Variants in GPR155 observed in about 807,000 individuals in gnomAD.
The protein encoded by GPR155 is G protein-coupled receptor 155.
A neutral mutation model predicts 93.1 loss-of-function variants in GPR155; 65 were observed. The observed-to-expected ratio is 0.70, with a 90% CI of 0.57 to 0.86. The LOEUF (loss-of-function observed/expected upper bound fraction) is 0.86, where lower values mean the gene tolerates loss of function less well. Among genes scored for constraint, GPR155 ranks in the 40% least tolerant of loss-of-function variants. The pLI, the probability that GPR155 is intolerant of heterozygous loss-of-function variation, is 0.00. For missense variants in GPR155, 838 were observed against 1,034.8 expected (o/e 0.81, Z 2.61); for synonymous variants, 319 against 360.1 (o/e 0.89, Z 1.29).
intron 2 of GPR155, among the ~76,000 whole-genome samples, chr2:174,477,112 C>G (rs533761175): frequency 6.6e-6 from 1 of 152,118 alleles, no homozygotes; most frequent in Non-Finnish European, 1.5e-5. Context: ...CTCTTTACAT[C>G]GAATTGTTGT....
intron 14 of GPR155, among the ~76,000 whole-genome samples, chr2:174,441,514 T>C (rs1686959023): frequency 6.6e-6 from 1 of 152,048 alleles, no homozygotes; most frequent in African/African-American, 2.4e-5. Context: ...ACATGTGCCA[T>C]GTTGGTGTGC....
Position 174,438,177 on chromosome 2 carries a change from C to T in GPR155, c.2312+1721G>A, listed in dbSNP as rs77176261. Reference sequence around the variant, plus strand: ...GAAGGCTGAGCCCAGGAGATTGGGGCTGCAGTGAGATTGCGCCACTGCACT... The same window carrying T: ...GAAGGCTGAGCCCAGGAGATTGGGGTTGCAGTGAGATTGCGCCACTGCACT... On this transcript the variant is annotated intron_variant, in intron 15 of 15. Transcript: ENST00000392552. 2.2e-3 allele frequency among the ~76,000 whole-genome samples: 334 copies of T among 152,096 alleles called. 8 individuals are homozygous for T. In the East Asian group the frequency reaches 0.056, roughly 26 times the overall value.
chr2:174,475,883 G>A (rs1413229303), intron 2 of GPR155, among the ~76,000 whole-genome samples: 1 of 152,106 alleles, frequency 6.6e-6, no homozygotes, highest in East Asian at 1.9e-4. Flanking sequence ...ACAACAATAA[G>A]ATGCATAACA....
At position 174,468,897 on chromosome 2, in the gene GPR155, A is replaced by G. The variant is rs772374389; in HGVS notation, c.1182+15T>C. On this transcript the variant is annotated intron_variant, in intron 5 of 15. Coordinates refer to ENST00000392552, the MANE Select transcript of GPR155 (RefSeq NM_152529.7). ...TTCTGTGGTTTCCATTCATTTTGGG[A>G]TGCAACGTACTTACCAAGGAGATCA... 6.2e-7 allele frequency: 1 copy of G among 1,603,374 alleles called. No individual in the cohort carries two copies. The highest frequency in any genetic ancestry group is 8.5e-7 in the Non-Finnish European group (1 of 1,171,392).
In GPR155 at chr2:174,470,516, G is replaced by T; in HGVS notation, c.900C>A (p.Leu300=). 6.2e-7 allele frequency: 1 copy of T among 1,613,870 alleles called. No individual in the cohort carries two copies. The highest frequency in any genetic ancestry group is 1.7e-5 in the Admixed American group (1 of 60,010). ...LPLLCREMVE[L]LDKGDSVVNH... The stretch of plus-strand genomic sequence containing the variant: ...TCACCACACTGTCGCCCTTGTCCAA[G>T]AGTTCCACCATTTCTCTGCACAGAA... Residue 300 remains leucine, a synonymous_variant, in exon 4 of 16, where the codon CTC becomes CTA. Transcript: ENST00000392552.
rs2105650480 is a variant in GPR155, at chr2:174,433,163, TTAAAG to T, written c.*2948_*2952del. Reference sequence around the variant, plus strand: ...TAAATAACTTTTTTACATGAGACACTTAAAGTATAATTAAATAAATATCTGAAACG... The same window carrying T: ...TAAATAACTTTTTTACATGAGACACTTATAATTAAATAAATATCTGAAACG... On this transcript the variant is annotated 3_prime_UTR_variant, in exon 16 of 16. Transcript: ENST00000392552. The T allele has an allele frequency of 6.6e-6, 1 of 152,266 alleles. No homozygotes were observed. The highest frequency in any genetic ancestry group is 1.9e-4 in the East Asian group (1 of 5,190). The allele number at this position is 152,266 out of a possible 1,614,324, so 9.4% of individuals were successfully genotyped here.
At chr2:174,453,568 G>C (rs1161220929) in intron 11 of GPR155, among the ~76,000 whole-genome samples, 169 bp downstream of exon 11, 2 of 149,642 alleles carry the variant, frequency 1.3e-5, no homozygotes, top group Non-Finnish European at 1.5e-5. Flanking sequence ...GCTGAGGCAG[G>C]AGAATGGCGT....
intron 2 of GPR155, among the ~76,000 whole-genome samples, chr2:174,480,176 T>C (rs1287859184): frequency 6.6e-6 from 1 of 152,208 alleles, no homozygotes; most frequent in Non-Finnish European, 1.5e-5. Context: ...TCAGAAGACA[T>C]ATCATCAGAG....
chr2:174,446,316 AAAAATAAAAAAT>A lies in GPR155; in HGVS notation c.2013+283_2013+294del, dbSNP rs1480519647. On this transcript the variant is annotated intron_variant, in intron 12 of 15. Transcript: ENST00000392552. ...AGTTAGACTCTGTCTCAAAAAAAAA[AAAAATAAAAAAT>A]AAAAAGAAATAGCTGCTTTTACCAA... Among the ~76,000 whole-genome samples the A allele has an allele frequency of 1.9e-3, 44 of 23,378 alleles. 1 individual carries two copies. The highest frequency in any genetic ancestry group is 3.5e-3 in the African/African-American group (44 of 12,606). 15.3% of individuals were successfully genotyped at this position (23,378 alleles called of 152,430 possible). A position where few individuals can be genotyped will look rare whatever the true frequency, so the allele number is the denominator to read the frequency against.
chr2:174,461,554 A>G, intron 8 of GPR155, 34 bp downstream of exon 8: 1 of 1,556,624 alleles, frequency 6.4e-7, no homozygotes, highest in Non-Finnish European at 8.9e-7. Context: ...GTCTATATGG[A>G]AAGGTGTAAG....
At chr2:174,448,518 TTTTTGTTTTTTG>T (rs1687212756) in intron 11 of GPR155, among the ~76,000 whole-genome samples, 1 of 116,936 alleles carries the variant, frequency 8.6e-6, no homozygotes, top group South Asian at 2.7e-4. Context: ...AGTTTTTTGT[TTTTTGTTTTTTG>T]TTTTTTTTTT....
Position 174,472,955 on chromosome 2 carries a change from T to C in GPR155, c.860+10A>G. The C allele has an allele frequency of 6.4e-7, 1 of 1,571,068 alleles. No homozygotes were observed. Among genetic ancestry groups the C allele is most frequent in the Non-Finnish European group, 8.6e-7 (1 of 1,168,248 alleles). On this transcript the variant is annotated intron_variant, in intron 3 of 15. Transcript: ENST00000392552. The stretch of plus-strand genomic sequence containing the variant: ...AAGTACAATTCTCAAGTTAAATAAG[T>C]GATGCTTACAGTTTAGCTGTGATGA...
rs1341695616 is a variant in GPR155, at chr2:174,473,361, T to C, written c.464A>G (p.Glu155Gly). 4.5e-6 allele frequency: 7 copies of C among 1,560,244 alleles called. No individual in the cohort carries two copies. The highest frequency in any genetic ancestry group is 5.2e-6 in the Non-Finnish European group (6 of 1,151,294). The change falls in exon 3 of 16, where the codon GAA becomes GGA. Residue 155 changes from glutamate (E) to glycine (G), a missense_variant. Physicochemically the swap from Glu to Gly is moderately conservative, Grantham distance 98. Transcript: ENST00000392552. ...NDFALGYPIV[E>G]ALYQTTYPEY... Reference sequence around the variant, plus strand: ...TGGGTATGTAGTTTGATATAAAGCTTCAACTGCAAAACAAGAATATTGATT... The same window carrying C: ...TGGGTATGTAGTTTGATATAAAGCTCCAACTGCAAAACAAGAATATTGATT...
At chr2:174,465,186 C>T (rs1559111934) in intron 7 of GPR155, among the ~76,000 whole-genome samples, 1 of 152,118 alleles carries the variant, frequency 6.6e-6, no homozygotes, top group African/African-American at 2.4e-5. Flanking sequence ...ATTTCCATGC[C>T]TTTTTATTCC....
intron 13 of GPR155, among the ~76,000 whole-genome samples, chr2:174,443,264 A>C (rs1369398985): frequency 6.6e-6 from 1 of 152,218 alleles, no homozygotes; most frequent in Non-Finnish European, 1.5e-5. Flanking sequence ...GCCAAACTGT[A>C]AATATTGTAA....
intron 10 of GPR155, among the ~76,000 whole-genome samples, chr2:174,457,950 A>G (rs1433437480): frequency 6.6e-6 from 1 of 151,842 alleles, no homozygotes; most frequent in Admixed American, 6.6e-5. Flanking sequence ...GGGTCTCACT[A>G]TGTTGCCCAG....
In GPR155 at chr2:174,432,520, G is replaced by T. The variant is rs1346307578; in HGVS notation, c.*3596C>A. ...GAGTTTCAGTTGTCTGCATGCATGT[G>T]AATTAACATCTTTATTACTGTAACT... On this transcript the variant is annotated 3_prime_UTR_variant, in exon 16 of 16. Transcript: ENST00000392552. 6.6e-6 allele frequency: 1 copy of T among 152,080 alleles called. No individual in the cohort carries two copies. The highest frequency in any genetic ancestry group is 2.4e-5 in the African/African-American group (1 of 41,390). The allele number at this position is 152,080 out of a possible 1,614,324, so 9.4% of individuals were successfully genotyped here.
intron 11 of GPR155, among the ~76,000 whole-genome samples, chr2:174,448,893 C>T (rs1687236562): frequency 6.6e-6 from 1 of 152,024 alleles, no homozygotes; most frequent in African/African-American, 2.4e-5. Context: ...CAAGTGGGAC[C>T]TAATTAAACT....
At position 174,470,339 on chromosome 2, in the gene GPR155, A is replaced by T. The variant is rs11888287; in HGVS notation, c.1026+51T>A. The T allele has an allele frequency of 3.7e-5, 51 of 1,386,678 alleles. No individual in the cohort carries two copies. The Admixed American group carries it at 4.2e-4, about 12-fold the overall frequency. 85.9% of individuals were successfully genotyped at this position (1,386,678 alleles called of 1,614,324 possible). A position where few individuals can be genotyped will look rare whatever the true frequency, so the allele number is the denominator to read the frequency against. On this transcript the variant is annotated intron_variant, in intron 4 of 15. Transcript: ENST00000392552. The stretch of plus-strand genomic sequence containing the variant: ...TAAAAAATTTGAAATGAATTTAAAA[A>T]TTTTTTTCGACTAAACACACCATCA...
Sources: allele counts gnomAD v4.1 joint callset (sites outside exome capture counted in the v4.1 genomes callset), GRCh38; gene constraint gnomAD v4.1.1; transcripts MANE v1.5; gene names NCBI Gene and HGNC (gene_info 2026-07-23, HGNC 2026-07-21).